The following SCUBE1 variants were observed in gnomAD, a reference collection of about 807,000 sequenced individuals.
SCUBE1 encodes signal peptide, CUB domain and EGF like domain containing 1.
A neutral mutation model predicts 124.4 loss-of-function variants in SCUBE1; 59 were observed. The observed-to-expected ratio is 0.47, with a 90% CI of 0.38 to 0.59. The LOEUF is 0.59. Among genes scored for constraint, SCUBE1 ranks in the 20% least tolerant of loss-of-function variants. The pLI, the probability that SCUBE1 is intolerant of heterozygous loss-of-function variation, is 0.00. For missense variants in SCUBE1, 1,150 were observed against 1,371.2 expected, an observed-to-expected ratio of 0.84 and a Z score of 2.55; for synonymous variants, 545 against 550.9, an observed-to-expected ratio of 0.99 and a Z score of 0.15.
Position 43,203,843 on chromosome 22 carries a change from G to A in SCUBE1, c.*154C>T. On this transcript the variant is annotated 3_prime_UTR_variant, in exon 22 of 22. Transcript: ENST00000360835. ...CACAGGGGCAGCGGGTCCGAAGGGT[G>A]CCTGGGCTCGGTCTCCATGGGCTGG... 1.3e-6 allele frequency: 1 copy of A among 743,662 alleles called. No homozygotes were observed. Among genetic ancestry groups the A allele is most frequent in the Non-Finnish European group, 2.2e-6 (1 of 464,830 alleles). The allele number at this position is 743,662 out of a possible 1,614,324, so 46.1% of individuals were successfully genotyped here.
intron 4 of SCUBE1, among the ~76,000 whole-genome samples, chr22:43,276,681 C>A (rs541133438): frequency 2.0e-5 from 3 of 152,342 alleles, no homozygotes; most frequent in African/African-American, 7.2e-5. Flanking sequence ...AGGGCCTGTG[C>A]CCACAAACCC....
intron 3 of SCUBE1, among the ~76,000 whole-genome samples, chr22:43,297,980 C>G (rs1212107984): frequency 6.6e-6 from 1 of 152,208 alleles, no homozygotes; most frequent in Non-Finnish European, 1.5e-5. Context: ...CCCAGCCCAT[C>G]TTAGGAAGCG....
At chr22:43,237,264 C>T (rs1164535856) in intron 7 of SCUBE1, among the ~76,000 whole-genome samples, 1 of 152,220 alleles carries the variant, frequency 6.6e-6, no homozygotes, top group African/African-American at 2.4e-5. Context: ...CAGTAGCCCC[C>T]TCTTGGGCCA....
At chr22:43,260,209 T>C (rs1252118830) in intron 5 of SCUBE1, among the ~76,000 whole-genome samples, 2 of 152,188 alleles carry the variant, frequency 1.3e-5, no homozygotes, top group Non-Finnish European at 2.9e-5. Flanking sequence ...CTAATGAGGA[T>C]GGAGGCCTGC....
chr22:43,266,099 T>C (rs1032241330), intron 4 of SCUBE1, among the ~76,000 whole-genome samples: 5 of 151,314 alleles, frequency 3.3e-5, no homozygotes, highest in African/African-American at 1.2e-4. Flanking sequence ...AGACTCCATC[T>C]CAAAGAAAAA....
At chr22:43,262,449 C>T (rs550641479) in intron 5 of SCUBE1, among the ~76,000 whole-genome samples, 1 of 152,212 alleles carries the variant, frequency 6.6e-6, no homozygotes, top group African/African-American at 2.4e-5. Context: ...TCCTGCTGGA[C>T]AGCTTAGGCT....
chr22:43,298,880 G>A (rs1433099785), intron 3 of SCUBE1, among the ~76,000 whole-genome samples: 1 of 152,186 alleles, frequency 6.6e-6, no homozygotes, highest in Non-Finnish European at 1.5e-5. Flanking sequence ...GTGAAACCCT[G>A]TCTCTACTAA....
intron 3 of SCUBE1, among the ~76,000 whole-genome samples, chr22:43,293,541 C>T (rs1925451079): frequency 2.0e-5 from 3 of 152,256 alleles, no homozygotes; most frequent in Admixed American, 6.5e-5. Context: ...AGCACGTGCA[C>T]GTCAGCCCCA....
Position 43,203,659 on chromosome 22 carries a change from G to A in SCUBE1, c.*338C>T, listed in dbSNP as rs562122867. The A allele has an allele frequency of 5.4e-4, 120 of 221,256 alleles. 1 individual carries two copies. The highest frequency in any genetic ancestry group is 4.3e-4 in the Admixed American group (8 of 18,778). The allele number at this position is 221,256 out of a possible 1,614,324, so 13.7% of individuals were successfully genotyped here. On this transcript the variant is annotated 3_prime_UTR_variant, in exon 22 of 22. Transcript: ENST00000360835. ...GATGACCACGCCTCCCAGAGCACAG[G>A]CCCCACTTCCCCTCTCTCCTGAAAC...
At chr22:43,309,796 GT>G (rs1926106797) in intron 3 of SCUBE1, among the ~76,000 whole-genome samples, 1 of 152,006 alleles carries the variant, frequency 6.6e-6, no homozygotes, top group Non-Finnish European at 1.5e-5. Flanking sequence ...CCAATCATCA[GT>G]TTTGACTCTC....
In SCUBE1 at chr22:43,231,627, C is replaced by T. The variant is rs1854965792; in HGVS notation, c.967+126G>A. 1.0e-5 allele frequency: 12 copies of T among 1,180,964 alleles called. 1 individual carries two copies. In the African/African-American group the frequency reaches 1.1e-4, roughly 11 times the overall value. 73.2% of individuals were successfully genotyped at this position (1,180,964 alleles called of 1,614,324 possible). On this transcript the variant is annotated intron_variant, in intron 8 of 21. Coordinates refer to ENST00000360835, the MANE Select transcript of SCUBE1 (RefSeq NM_173050.5). ...GATGTCCCCTAGAGTCGTAAAGGAC[C>T]CCATTCCCTCGGGCCCAGCCCCATC... is the stretch of plus-strand genomic sequence containing the variant.
chr22:43,208,880 C>T (rs942760406), intron 19 of SCUBE1, among the ~76,000 whole-genome samples: 1 of 152,210 alleles, frequency 6.6e-6, no homozygotes, highest in South Asian at 2.1e-4. Context: ...AGCCTCTCCC[C>T]GCTTAAGGGC....
At chr22:43,264,934 C>A (rs5751461) in intron 4 of SCUBE1, among the ~76,000 whole-genome samples, 23,972 of 152,300 alleles carry the variant, frequency 0.16, 2,386 homozygotes, top group East Asian at 0.35. Context: ...TGTGAATTTC[C>A]TAGGGCTGTC....
chr22:43,296,788 G>GGAGGA (rs1329684692), intron 3 of SCUBE1, among the ~76,000 whole-genome samples: 2 of 152,142 alleles, frequency 1.3e-5, no homozygotes, highest in Non-Finnish European at 2.9e-5. Context: ...GGCAGGCAAG[G>GGAGGA]GAGCTGGGAG....
chr22:43,242,983 C>T lies in SCUBE1; in HGVS notation c.728-4029G>A, dbSNP rs557416437. Among the ~76,000 whole-genome samples, 3 of 152,230 alleles carry T rather than the reference C, an allele frequency of 2.0e-5. No homozygotes were observed. In the South Asian group the frequency reaches 6.2e-4, roughly 32 times the overall value. On this transcript the variant is annotated intron_variant, in intron 6 of 21. Transcript: ENST00000360835. ...GGAATGGCTACATCATTTGTGGAAC[C>T]CAGCGCAAAATAAAAATGGAATTGC...
In SCUBE1 at chr22:43,231,885, C is replaced by T. The variant is rs1601815045; in HGVS notation, c.845-10G>A. Reference sequence around the variant, plus strand: ...AGGCACTCGTTGATGTCTGTGGGAGCCAAGGGGGATGGAGGAGTGAGAGCC... The same window carrying T: ...AGGCACTCGTTGATGTCTGTGGGAGTCAAGGGGGATGGAGGAGTGAGAGCC... On this transcript the variant is annotated splice_polypyrimidine_tract_variant and intron_variant, in intron 7 of 21. Coordinates refer to ENST00000360835, the MANE Select transcript of SCUBE1 (RefSeq NM_173050.5). The T allele has an allele frequency of 6.2e-7, 1 of 1,611,778 alleles. No homozygotes were observed. Among genetic ancestry groups the T allele is most frequent in the Non-Finnish European group, 8.5e-7 (1 of 1,178,278 alleles).
chr22:43,246,688 T>G (rs918607989), intron 6 of SCUBE1, among the ~76,000 whole-genome samples: 2 of 152,360 alleles, frequency 1.3e-5, no homozygotes. Context: ...CAGCTCAGCC[T>G]GGAGGCTGCT....
intron 4 of SCUBE1, among the ~76,000 whole-genome samples, chr22:43,290,193 T>A (rs1459745775): frequency 6.6e-6 from 1 of 152,076 alleles, no homozygotes; most frequent in Non-Finnish European, 1.5e-5. Flanking sequence ...CAAAAGCTGT[T>A]CTCTGCCTGG....
At chr22:43,284,748 A>AATC (rs1225053155) in intron 4 of SCUBE1, among the ~76,000 whole-genome samples, 8 of 145,690 alleles carry the variant, frequency 5.5e-5, no homozygotes, top group East Asian at 3.9e-4. Flanking sequence ...CAGCTCTTGC[A>AATC]ATCATCATCG....
Sources: gnomAD v4.1 joint callset for allele counts (sites outside exome capture counted in the v4.1 genomes callset) on GRCh38, gnomAD v4.1.1 for gene constraint, MANE v1.5 for transcripts, NCBI Gene and HGNC (gene_info 2026-07-23, HGNC 2026-07-21) for gene names.